The following SEMA6A variants were observed in gnomAD, a reference collection of about 807,000 sequenced individuals.
SEMA6A encodes semaphorin-6A.
SEMA6A carries 25 observed loss-of-function variants against 96.8 expected under a neutral mutation model. The observed-to-expected ratio is 0.26, with a 90% CI of 0.19 to 0.36. SEMA6A has a LOEUF of 0.36. Ranked by LOEUF, SEMA6A falls within the 10% of genes least tolerant of loss-of-function variation. The pLI is 1.00. For synonymous variants in SEMA6A, 612 were observed against 518.0 expected (o/e 1.18, Z -2.46); for missense variants, 1,363 against 1,323.1 (o/e 1.03, Z -0.47).
At position 116,486,887 on chromosome 5, in the gene SEMA6A, G is replaced by A; in HGVS notation, c.824C>T (p.Ser275Leu). Residue 275 changes from serine to leucine, a missense_variant, in exon 10 of 19, where the codon TCG becomes TTG. Ser to Leu is a moderately radical substitution (Grantham distance 145). Transcript: ENST00000343348. ...SQRVLEKQWT[S>L]FLKARLNCSV... ...GCAGTTCAAGCGCGCCTTCAGGAAC[G>A]ACGTCCACTGTTTCTCCAGGACTCT... 1 of 1,613,784 alleles carries A rather than the reference G, an allele frequency of 6.2e-7. No individual in the cohort carries two copies. The highest frequency in any genetic ancestry group is 8.5e-7 in the Non-Finnish European group (1 of 1,179,782).
At position 116,444,747 on chromosome 5, in the gene SEMA6A, C is replaced by G. The variant is rs1042892813; in HGVS notation, c.*1866G>C. 3 of 152,298 alleles carry G rather than the reference C, an allele frequency of 2.0e-5. No individual in the cohort carries two copies. Among genetic ancestry groups the G allele is most frequent in the Admixed American group, 6.5e-5 (1 of 15,290 alleles). The allele number at this position is 152,298 out of a possible 1,614,324, so 9.4% of individuals were successfully genotyped here. On this transcript the variant is annotated 3_prime_UTR_variant, in exon 19 of 19. Transcript: ENST00000343348. ...GGTCGGCCTTGTACTTGGAGTTACT[C>G]GTTAATCACAGCAGGGACCAGCCTG...
chr5:116,475,459 A>AG, intron 16 of SEMA6A, 86 bp downstream of exon 16: 1 of 854,124 alleles, frequency 1.2e-6, no homozygotes, highest in East Asian at 2.8e-5. Flanking sequence ...AGCTGCACTC[A>AG]GTTCCACATG....
Position 116,477,961 on chromosome 5 carries a change from C to T in SEMA6A, c.1569-35G>A, listed in dbSNP as rs181478961. 5.3e-5 allele frequency: 86 copies of T among 1,613,748 alleles called. No individual in the cohort carries two copies. The African/African-American group carries it at 1.1e-3, about 20-fold the overall frequency. ...GAGGATGACCATGAGCTACCTAGGA[C>T]TGTTTCCTAGCCACCATGGACTTTC... On this transcript the variant is annotated intron_variant, in intron 14 of 18. Transcript: ENST00000343348.
In SEMA6A at chr5:116,522,980, AAAG is replaced by A. The variant is rs1167092826; in HGVS notation, c.-38-18001_-38-17999del. ...CAGGAGATTGACTAAACTAGAGAGAAAAGAAAGAATTCATCAGGAGAGCGAGGA... is the reference window on the plus strand; with the variant it reads ...CAGGAGATTGACTAAACTAGAGAGAAAAAGAATTCATCAGGAGAGCGAGGA... On this transcript the variant is annotated intron_variant, in intron 1 of 18. Coordinates refer to ENST00000343348, the MANE Select transcript of SEMA6A (RefSeq NM_020796.5). Among the ~76,000 whole-genome samples the A allele has an allele frequency of 1.1e-4, 16 of 152,202 alleles. 1 individual carries two copies. Among genetic ancestry groups the A allele is most frequent in the Non-Finnish European group, 1.8e-4 (12 of 68,040 alleles).
chr5:116,486,522 G>A (rs76283481), intron 10 of SEMA6A: 13,168 of 502,420 alleles, frequency 0.026, 281 homozygotes, highest in African/African-American at 0.069. Flanking sequence ...TATATAAATA[G>A]AAGATATTGT....
chr5:116,517,917 T>C (rs1268621755), intron 1 of SEMA6A, among the ~76,000 whole-genome samples: 2 of 152,234 alleles, frequency 1.3e-5, no homozygotes, highest in African/African-American at 2.4e-5. Flanking sequence ...GATTCCATGA[T>C]GTCAGAGCCT....
intron 7 of SEMA6A, among the ~76,000 whole-genome samples, chr5:116,490,360 C>T (rs1561492667): frequency 1.3e-5 from 2 of 152,056 alleles, no homozygotes; most frequent in South Asian, 4.1e-4. Context: ...CCTTGGCCTC[C>T]TACAGTGCTG....
rs1217912695 is a variant in SEMA6A at position 116,447,615 on chromosome 5, G to C, written c.2091C>G (p.Gly697=). 1.9e-6 allele frequency: 3 copies of C among 1,614,038 alleles called. No homozygotes were observed. The African/African-American group carries it at 4.0e-5, about 22-fold the overall frequency. Reference sequence around the variant, plus strand: ...TGAGCTTGGTGACGCTGCTCATGGAGCCCCGGCGCGAGTGGGTGAGCTCCT... The same window carrying C: ...TGAGCTTGGTGACGCTGCTCATGGACCCCCGGCGCGAGTGGGTGAGCTCCT... ...KEKELTHSRR[G]SMSSVTKLSG... is the part of the protein sequence containing the mutation. The change falls in exon 19 of 19, where the codon GGC becomes GGG. Residue 697 remains glycine (G), a synonymous_variant. Transcript: ENST00000343348.
chr5:116,475,319 G>A (rs772234752), intron 16 of SEMA6A, among the ~76,000 whole-genome samples: 17 of 152,150 alleles, frequency 1.1e-4, no homozygotes, highest in Non-Finnish European at 2.1e-4. Flanking sequence ...TTTTTCCCCT[G>A]CATTAGAATT....
chr5:116,448,170 TA>T (rs59202921), intron 18 of SEMA6A, among the ~76,000 whole-genome samples: 2,089 of 119,390 alleles, frequency 0.017, 54 homozygotes, highest in African/African-American at 0.069. Flanking sequence ...CCGTCTCTAC[TA>T]AAAAAAAAAA....
rs141031684 is a variant in SEMA6A at position 116,510,140 on chromosome 5, G to C, written c.-38-5158C>G. 4.2e-3 allele frequency among the ~76,000 whole-genome samples: 643 copies of C among 152,242 alleles called. 1 individual carries two copies. The highest frequency in any genetic ancestry group is 6.3e-3 in the Non-Finnish European group (426 of 68,030). On this transcript the variant is annotated intron_variant, in intron 1 of 18. Coordinates refer to ENST00000343348, the MANE Select transcript of SEMA6A (RefSeq NM_020796.5). ...ATCAAGCGAGAGCAAAGAAATCCCA[G>C]CATGCTATACTGCCTAGTCTCAACT...
Position 116,525,870 on chromosome 5 carries a change from T to A in SEMA6A, c.-38-20888A>T, listed in dbSNP as rs548328122. Among the ~76,000 whole-genome samples the A allele has an allele frequency of 1.2e-4, 18 of 152,302 alleles. 1 individual carries two copies. The East Asian group carries it at 3.5e-3, about 29-fold the overall frequency. ...ACTTTCAGCAATTCAAATTAAGCAT[T>A]TATTGTCTATATGAGCAAGGAACTG... is the stretch of plus-strand genomic sequence containing the variant. On this transcript the variant is annotated intron_variant, in intron 1 of 18. Coordinates refer to ENST00000343348, the MANE Select transcript of SEMA6A (RefSeq NM_020796.5).
intron 3 of SEMA6A, chr5:116,499,056 G>C (rs1044670064): frequency 2.6e-5 from 4 of 152,172 alleles, no homozygotes; most frequent in African/African-American, 9.7e-5. Context: ...CCCTCACTCA[G>C]TCCCCCGGGT....
rs545850710 is a variant in SEMA6A at position 116,447,300 on chromosome 5, G to A, written c.2406C>T (p.Asp802=). 3.7e-6 allele frequency: 6 copies of A among 1,613,808 alleles called. No individual in the cohort carries two copies. The South Asian group carries it at 6.6e-5, about 18-fold the overall frequency. ...PPMGSPVIPT[D]LPLRASPSHI... Reference sequence around the variant, plus strand: ...GGCTGGGGGAGGCCCGCAGGGGCAGGTCCGTGGGAATCACAGGGGAGCCCA... The same window carrying A: ...GGCTGGGGGAGGCCCGCAGGGGCAGATCCGTGGGAATCACAGGGGAGCCCA... The change falls in exon 19 of 19, where the codon GAC becomes GAT. Residue 802 remains aspartate (D), a synonymous_variant. Transcript: ENST00000343348.
chr5:116,486,658 C>T, intron 10 of SEMA6A, 91 bp downstream of exon 10: 1 of 1,009,638 alleles, frequency 9.9e-7, no homozygotes. Context: ...AATTTTCAGT[C>T]AGTTGCAAAT....
At chr5:116,478,866 G>T in intron 12 of SEMA6A, 148 bp from the exon 13 acceptor site, 1 of 801,030 alleles carries the variant, frequency 1.2e-6, no homozygotes, top group Non-Finnish European at 1.9e-6. Context: ...AGTGGTTCTG[G>T]CCCTTTATTT....
In SEMA6A at chr5:116,543,364, T is replaced by C. The variant is rs527267872; in HGVS notation, c.-39+30821A>G. Among the ~76,000 whole-genome samples, 5 of 152,366 alleles carry C rather than the reference T, an allele frequency of 3.3e-5. No homozygotes were observed. In the East Asian group the frequency reaches 9.6e-4, roughly 29 times the overall value. On this transcript the variant is annotated intron_variant, in intron 1 of 18. Coordinates refer to ENST00000343348, the MANE Select transcript of SEMA6A (RefSeq NM_020796.5). The stretch of plus-strand genomic sequence containing the variant: ...CTTCACTATGCTCACGTTTTCACGT[T>C]TTCCTATGTTCATGTTCACTGCAGA...
intron 1 of SEMA6A, among the ~76,000 whole-genome samples, chr5:116,567,679 A>G (rs11745720): frequency 0.023 from 3,434 of 152,276 alleles, 60 homozygotes; most frequent in Non-Finnish European, 0.032. Flanking sequence ...TTGTCTGTCA[A>G]AAAAGCATGA....
intron 16 of SEMA6A, 79 bp downstream of exon 16, chr5:116,475,466 C>T (rs1371620443): frequency 5.3e-6 from 5 of 940,234 alleles, no homozygotes; most frequent in Non-Finnish European, 6.6e-6. Flanking sequence ...CTCAGTTCCA[C>T]ATGTGAGCTG....
Sources: gnomAD v4.1 joint callset for allele counts (sites outside exome capture counted in the v4.1 genomes callset) on GRCh38, gnomAD v4.1.1 for gene constraint, MANE v1.5 for transcripts, NCBI Gene and HGNC (gene_info 2026-07-23, HGNC 2026-07-21) for gene names.